Variants in ZFHX3 observed in about 807,000 individuals in gnomAD.
The protein encoded by ZFHX3 is zinc finger homeobox protein 3.
ZFHX3 carries 42 observed loss-of-function variants against 279.1 expected under a neutral mutation model. The observed-to-expected ratio is 0.15, with a 90% CI of 0.12 to 0.19. The LOEUF is 0.19. ZFHX3 is among the 10% of genes least tolerant of loss of function. The pLI, the probability that ZFHX3 is intolerant of heterozygous loss-of-function variation, is 1.00. For missense variants in ZFHX3, 4,981 were observed against 4,754.0 expected (o/e 1.05, Z -1.40); for synonymous variants, 2,293 against 1,957.8 (o/e 1.17, Z -4.52).
At chr16:73,154,149 T>C (rs1967015652) in intron 5 of ZFHX3, among the ~76,000 whole-genome samples, 1 of 152,196 alleles carries the variant, frequency 6.6e-6, no homozygotes, top group Non-Finnish European at 1.5e-5. Context: ...TGTCTTGCTT[T>C]CTCACTTCCC....
chr16:73,581,924 T>G (rs954766496), intron 2 of ZFHX3, among the ~76,000 whole-genome samples: 5 of 151,734 alleles, frequency 3.3e-5, no homozygotes, highest in Admixed American at 2.0e-4. Flanking sequence ...TCCACCTGCC[T>G]TGGCCTCCCA....
At chr16:73,651,680 CAAAAAAAAAAAAA>C (rs57386925) in intron 2 of ZFHX3, among the ~76,000 whole-genome samples, 1 of 41,660 alleles carries the variant, frequency 2.4e-5, no homozygotes, top group Non-Finnish European at 4.9e-5. Flanking sequence ...ACTAAAAATA[CAAAAAAAAAAAAA>C]AAAAAAAAAA....
chr16:73,805,214 G>T lies in ZFHX3; in HGVS notation c.-1608+86437C>A, dbSNP rs1009111885. Among the ~76,000 whole-genome samples, 68 of 152,014 alleles carry T rather than the reference G, an allele frequency of 4.5e-4. 1 individual carries two copies. The highest frequency in any genetic ancestry group is 3.8e-3 in the Admixed American group (58 of 15,266). ...ATGGAGTCTCATTCTTGTTGCCCAG[G>T]CTGGAGTGCAATGGCACAACCTCTG... On this transcript the variant is annotated intron_variant, in intron 1 of 17. Transcript: ENST00000641206.
chr16:73,836,723 G>T (rs1434575324), intron 1 of ZFHX3, among the ~76,000 whole-genome samples: 1 of 152,218 alleles, frequency 6.6e-6, no homozygotes, highest in South Asian at 2.1e-4. Flanking sequence ...GATGTGGTTT[G>T]TCTCTGCCAA....
In ZFHX3 at chr16:72,794,467, T is replaced by C; in HGVS notation, c.8215A>G (p.Lys2739Glu). The C allele has an allele frequency of 1.9e-6, 3 of 1,614,186 alleles. No homozygotes were observed. Among genetic ancestry groups the C allele is most frequent in the Non-Finnish European group, 1.7e-6 (2 of 1,180,030 alleles). The change falls in exon 9 of 10, where the codon AAG becomes GAG. Residue 2739 changes from lysine (K) to glutamate (E), a missense_variant. Physicochemically the swap from Lys to Glu is moderately conservative, Grantham distance 56 (BLOSUM62 1). Transcript: ENST00000268489. This position sits in a 1 kb window ranked among gnomAD's most constrained non-coding sequence, Gnocchi z 4.2. ...AGAGTTAGGTTGTAGCCAGCTCTCT[T>C]GGCTTCATGCCAGTGACGGGACCGG... ...HIRSRHWHEA[K>E]RAGYNLTLSA...
intron 1 of ZFHX3, among the ~76,000 whole-genome samples, chr16:73,007,104 C>T (rs1963735186): frequency 6.6e-6 from 1 of 152,180 alleles, no homozygotes; most frequent in Non-Finnish European, 1.5e-5. Flanking sequence ...ATGATTATTT[C>T]AAGAGAAGAC....
intron 2 of ZFHX3, among the ~76,000 whole-genome samples, chr16:73,589,349 T>C (rs965327320): frequency 2.2e-5 from 3 of 139,344 alleles, no homozygotes; most frequent in Non-Finnish European, 4.6e-5. Flanking sequence ...AGTAGGATGA[T>C]CACTTGAGCC....
intron 3 of ZFHX3, among the ~76,000 whole-genome samples, chr16:73,336,558 G>T (rs1408368152): frequency 6.6e-6 from 1 of 152,132 alleles, no homozygotes; most frequent in East Asian, 1.9e-4. Flanking sequence ...TGCTGCAAAA[G>T]ACATGATCTT....
At chr16:73,635,620 G>A (rs1567538850) in intron 2 of ZFHX3, among the ~76,000 whole-genome samples, 2 of 152,014 alleles carry the variant, frequency 1.3e-5, no homozygotes, top group Admixed American at 1.3e-4. Flanking sequence ...CTCTCACCCT[G>A]TGATCCTGGT....
intron 1 of ZFHX3, among the ~76,000 whole-genome samples, chr16:73,715,160 C>T (rs1360088670): frequency 6.6e-6 from 1 of 152,102 alleles, no homozygotes; most frequent in Non-Finnish European, 1.5e-5. Context: ...TTCTGACTGC[C>T]GGCATCCCTG....
intron 5 of ZFHX3, among the ~76,000 whole-genome samples, chr16:73,176,288 C>A (rs1017532691): frequency 1.1e-4 from 17 of 152,184 alleles, no homozygotes; most frequent in Non-Finnish European, 2.9e-5. Context: ...TCATCAACTA[C>A]CATTAAGAGA....
intron 1 of ZFHX3, among the ~76,000 whole-genome samples, chr16:73,721,190 C>T (rs1357348098): frequency 3.9e-5 from 6 of 151,900 alleles, no homozygotes; most frequent in Admixed American, 6.6e-5. Context: ...GGCGGGATCT[C>T]GGCTCACTGC....
chr16:73,342,519 C>A (rs994459046), intron 3 of ZFHX3, among the ~76,000 whole-genome samples: 1 of 151,956 alleles, frequency 6.6e-6, no homozygotes, highest in Non-Finnish European at 1.5e-5. Context: ...CTCCAGGAGT[C>A]GATGAGGAAT....
chr16:73,275,859 C>T (rs1409021536), intron 4 of ZFHX3, among the ~76,000 whole-genome samples: 3 of 152,042 alleles, frequency 2.0e-5, no homozygotes, highest in Admixed American at 1.3e-4. Flanking sequence ...AAGTGAAGCA[C>T]AATAAAAGAA....
rs71156147 is a variant in ZFHX3, at chr16:73,187,144, T to TCACACACACACACACACA, written c.-1103-43331_-1103-43314dup. Among the ~76,000 whole-genome samples the TCACACACACACACACACA allele has an allele frequency of 2.2e-4, 33 of 147,078 alleles. No individual in the cohort carries two copies. In the South Asian group the frequency reaches 3.2e-3, roughly 14 times the overall value. On this transcript the variant is annotated intron_variant, in intron 5 of 17. Transcript: ENST00000641206. ...CGGGGGGATGGACAAGTTGTATGTC[T>TCACACACACACACACACA]CACACACACACACACACACACACAC... is the stretch of plus-strand genomic sequence containing the variant.
intron 5 of ZFHX3, among the ~76,000 whole-genome samples, chr16:73,195,398 G>C (rs1176078864): frequency 6.7e-6 from 1 of 148,684 alleles, no homozygotes; most frequent in Non-Finnish European, 1.5e-5. Flanking sequence ...TACAAAATAT[G>C]GTTGTGTCTT....
intron 2 of ZFHX3, among the ~76,000 whole-genome samples, chr16:73,564,351 G>T (rs1322331547): frequency 6.6e-6 from 1 of 152,156 alleles, no homozygotes; most frequent in Non-Finnish European, 1.5e-5. Context: ...CCCCACGCTG[G>T]GGTTTACATC....
intron 3 of ZFHX3, among the ~76,000 whole-genome samples, chr16:73,381,425 C>A (rs1174677265): frequency 3.3e-5 from 5 of 152,074 alleles, no homozygotes; most frequent in Middle Eastern, 3.4e-3. Context: ...GTAATCAAAT[C>A]TAAGTGGTTT....
intron 2 of ZFHX3, among the ~76,000 whole-genome samples, chr16:73,537,308 C>CTTCTTCTT (rs2019919483): frequency 1.7e-5 from 2 of 119,340 alleles, no homozygotes; most frequent in African/African-American, 3.0e-5. Flanking sequence ...TCACTTCTTT[C>CTTCTTCTT]TTCTTCTTTT....
Sources: allele counts gnomAD v4.1 joint callset (sites outside exome capture counted in the v4.1 genomes callset), GRCh38; gene constraint gnomAD v4.1.1; non-coding constraint Gnocchi (gnomAD v3.1); transcripts MANE v1.5; gene names NCBI Gene and HGNC (gene_info 2026-07-23, HGNC 2026-07-21).